UPF3A: variants seen among roughly 807,000 people sequenced by gnomAD.
UPF3A encodes the protein UPF3A regulator of nonsense mediated mRNA decay, also known as regulator of nonsense transcripts 3A.
A neutral mutation model predicts 53.5 loss-of-function variants in UPF3A; 42 were observed. That is an observed-to-expected ratio of 0.78 (90% CI 0.61 to 1.01). UPF3A has a LOEUF of 1.01. Among genes scored for constraint, UPF3A ranks in the 50% least tolerant of loss-of-function variants. The pLI, the probability that UPF3A is intolerant of heterozygous loss-of-function variation, is 0.00. For synonymous variants in UPF3A, 237 were observed against 225.3 expected (o/e 1.05, Z -0.47); for missense variants, 575 against 598.0 (o/e 0.96, Z 0.40).
chr13:114,291,705 A>C lies in UPF3A; in HGVS notation c.759A>C (p.Glu253Asp). The change falls in exon 7 of 10, where the codon GAA becomes GAC. Residue 253 changes from glutamate to aspartate, a missense_variant. Glu to Asp is a conservative substitution (Grantham distance 45). Transcript: ENST00000375299. Reference protein sequence around the residue: ...ELEKKRLREEEKRRRREEERC... With the variant: ...ELEKKRLREEDKRRRREEERC... The stretch of plus-strand genomic sequence containing the variant: ...AAAAGAAACGTTTGCGGGAAGAGGA[A>C]AAAAGAAGAAGAAGAGAAGAAGAAA... 1 of 1,603,534 alleles carries C rather than the reference A, an allele frequency of 6.2e-7. No individual in the cohort carries two copies. Among genetic ancestry groups the C allele is most frequent in the South Asian group, 1.1e-5 (1 of 89,424 alleles).
chr13:114,281,895 TGAGTGGAGG>T lies in UPF3A; in HGVS notation c.207+53_207+61del, dbSNP rs771513325. The T allele has an allele frequency of 4.6e-4, 382 of 833,804 alleles. 1 individual carries two copies. The African/African-American group carries it at 9.2e-3, about 20-fold the overall frequency. The allele number at this position is 833,804 out of a possible 1,614,324, so 51.7% of individuals were successfully genotyped here. ...AAACCTCGCGAGGAGAGGACGGCCC[TGAGTGGAGG>T]GAGGGGAGGGAGGGGAGGGAGGGGC... On this transcript the variant is annotated intron_variant, in intron 1 of 9. Coordinates refer to ENST00000375299, the MANE Select transcript of UPF3A (RefSeq NM_023011.4).
intron 3 of UPF3A, chr13:114,283,171 A>G: frequency 2.7e-6 from 1 of 374,918 alleles, no homozygotes; most frequent in South Asian, 3.1e-5. Context: ...GTGTGCCACC[A>G]TGATCGGCTG....
At chr13:114,299,331 T>C (rs1473336566) in intron 8 of UPF3A, among the ~76,000 whole-genome samples, 2 of 152,210 alleles carry the variant, frequency 1.3e-5, no homozygotes, top group African/African-American at 4.8e-5. Context: ...GTCTTTCTTT[T>C]TGTTTTTTGT....
At chr13:114,303,871 C>T (rs1243675611) in intron 9 of UPF3A, among the ~76,000 whole-genome samples, 1 of 152,250 alleles carries the variant, frequency 6.6e-6, no homozygotes, top group Admixed American at 6.5e-5. Context: ...TCCCACCCCT[C>T]CCATTGGTCA....
At chr13:114,289,712 G>A (rs958742748) in intron 5 of UPF3A, among the ~76,000 whole-genome samples, 7 of 152,222 alleles carry the variant, frequency 4.6e-5, no homozygotes, top group Admixed American at 3.3e-4. Flanking sequence ...CTTTAGCATC[G>A]GCCTTTAGAG....
In UPF3A at chr13:114,282,923, A is replaced by G. The variant is rs145367145; in HGVS notation, c.401A>G (p.Tyr134Cys). The change falls in exon 3 of 10, where the codon TAT (tyrosine) becomes TGT (cysteine). Residue 134 changes from tyrosine (Y) to cysteine (C), a missense_variant. This residue lies in a region of UPF3A where 252 missense variants were observed against 182.7 expected (regional missense o/e 1.38). Transcript: ENST00000375299. The stretch of plus-strand genomic sequence containing the variant: ...CTTTTTAGAGATCGTTTTGATGGAT[A>G]TATCTTCCTTGACAGCAAAGGTTGG... ...ILLFRDRFDG[Y>C]IFLDSKGLEY... 8.2e-4 allele frequency: 1,318 copies of G among 1,609,322 alleles called. 2 individuals are homozygous for G. The highest frequency in any genetic ancestry group is 1.1e-3 in the Non-Finnish European group (1,257 of 1,176,666).
At chr13:114,289,974 C>G (rs908214650) in intron 5 of UPF3A, among the ~76,000 whole-genome samples, 13 of 152,180 alleles carry the variant, frequency 8.5e-5, no homozygotes, top group African/African-American at 2.9e-4. Context: ...TCCTGGCTGA[C>G]AAGTTCAGGC....
chr13:114,286,235 C>A, intron 3 of UPF3A, 67 bp from the exon 4 acceptor site: 3 of 1,594,662 alleles, frequency 1.9e-6, no homozygotes, highest in South Asian at 2.3e-5. Context: ...TAAGTTAGGT[C>A]ATTATTTTCC....
chr13:114,287,458 G>T (rs1135496), intron 5 of UPF3A: 32,365 of 151,650 alleles, frequency 0.21, 3,802 homozygotes, highest in East Asian at 0.54. Flanking sequence ...GGGCATGGTG[G>T]TGCGTGCCTA....
intron 7 of UPF3A, among the ~76,000 whole-genome samples, chr13:114,296,150 C>G (rs917891967): frequency 6.6e-6 from 1 of 152,192 alleles, no homozygotes; most frequent in Non-Finnish European, 1.5e-5. Flanking sequence ...TTTGGGGGGC[C>G]AAGGCAGGTG....
intron 3 of UPF3A, 50 bp downstream of exon 3, chr13:114,282,993 T>C (rs1350751408): frequency 3.9e-6 from 5 of 1,276,680 alleles, no homozygotes; most frequent in Non-Finnish European, 5.6e-6. Context: ...GGTATACTAA[T>C]GAAGTATTGC....
intron 8 of UPF3A, among the ~76,000 whole-genome samples, chr13:114,299,622 T>C (rs983141597): frequency 6.6e-6 from 1 of 152,224 alleles, no homozygotes; most frequent in Non-Finnish European, 1.5e-5. Flanking sequence ...AGGGAGCTCA[T>C]CTGCGAAAGG....
intron 9 of UPF3A, among the ~76,000 whole-genome samples, chr13:114,304,033 C>G (rs1403508915): frequency 1.3e-5 from 2 of 152,232 alleles, no homozygotes; most frequent in Non-Finnish European, 1.5e-5. Context: ...CCTTGCAGCC[C>G]ACACTTGGGC....
At chr13:114,301,307 C>G (rs138934306) in intron 8 of UPF3A, among the ~76,000 whole-genome samples, 1 of 151,614 alleles carries the variant, frequency 6.6e-6, no homozygotes, top group Admixed American at 6.6e-5. Flanking sequence ...TAAAAATACA[C>G]AAAAAATTAG....
chr13:114,291,652 C>T lies in UPF3A; in HGVS notation c.706C>T (p.Arg236Ter), dbSNP rs755061369. The change falls in exon 7 of 10, where the codon CGA (arginine) becomes TGA (stop). Residue 236 changes from arginine (R) to a stop codon, truncating the protein, a stop_gained. Transcript: ENST00000375299. LOFTEE classifies it high-confidence loss of function. The stretch of plus-strand genomic sequence containing the variant: ...TCTTTAGAGAATTCGAGAAGAGAAG[C>T]GAGAAGAACGGAGGAGGAGAGAGTT... ...LEKQRIREEK[R>*]EERRRRELEK... is the part of the protein sequence containing the mutation. The T allele has an allele frequency of 2.5e-6, 4 of 1,600,542 alleles. No individual in the cohort carries two copies. The highest frequency in any genetic ancestry group is 2.6e-6 in the Non-Finnish European group (3 of 1,176,452).
At chr13:114,290,734 C>CTTTTT (rs112441605) in intron 5 of UPF3A, among the ~76,000 whole-genome samples, 1 of 138,422 alleles carries the variant, frequency 7.2e-6, no homozygotes, top group Non-Finnish European at 1.6e-5. Context: ...TCTTTTTTTT[C>CTTTTT]TTTTTTTTTT....
chr13:114,302,810 G>A (rs574760024), intron 9 of UPF3A, among the ~76,000 whole-genome samples: 13 of 152,314 alleles, frequency 8.5e-5, no homozygotes, highest in African/African-American at 2.6e-4. Flanking sequence ...CTTTGAAACT[G>A]TTTCAGTGTA....
chr13:114,283,977 C>T, intron 3 of UPF3A: 3 of 985,394 alleles, frequency 3.0e-6, no homozygotes, highest in Non-Finnish European at 3.6e-6. Context: ...CAAGCTAGTT[C>T]CTGTGACTAG....
intron 7 of UPF3A, among the ~76,000 whole-genome samples, chr13:114,292,091 T>C (rs894827440): frequency 1.6e-5 from 2 of 125,314 alleles, no homozygotes; most frequent in Non-Finnish European, 3.2e-5. Flanking sequence ...GCTGACGCTC[T>C]TTTTTTTTTT....
Sources: gnomAD v4.1 joint callset for allele counts (sites outside exome capture counted in the v4.1 genomes callset) on GRCh38, gnomAD v4.1.1 for gene constraint, gnomAD v4.1.1 regional missense constraint, MANE v1.5 for transcripts, NCBI Gene and HGNC (gene_info 2026-07-23, HGNC 2026-07-21) for gene names.